LMCD1: variants seen among roughly 807,000 people sequenced by gnomAD.
The protein encoded by LMCD1 is LIM and cysteine rich domains 1.
Under a neutral mutation model 42.7 loss-of-function variants are expected in LMCD1, and 32 were observed. The ratio of observed to expected loss-of-function variants is 0.75; its 90% CI spans 0.57 to 1.01. The LOEUF (loss-of-function observed/expected upper bound fraction) is 1.01. LMCD1 is among the 50% of genes least tolerant of loss of function. The pLI is 0.00. For synonymous variants in LMCD1, 178 were observed against 184.9 expected, an observed-to-expected ratio of 0.96 and a Z score of 0.30; for missense variants, 458 against 483.1, an observed-to-expected ratio of 0.95 and a Z score of 0.49.
At chr3:8,556,472 C>T (rs1694935088) in intron 4 of LMCD1, among the ~76,000 whole-genome samples, 1 of 151,254 alleles carries the variant, frequency 6.6e-6, no homozygotes, top group South Asian at 2.1e-4. Context: ...GGATTACAGA[C>T]AAAAACAAAA....
chr3:8,510,899 T>C (rs772114605), intron 1 of LMCD1, among the ~76,000 whole-genome samples: 13 of 152,204 alleles, frequency 8.5e-5, no homozygotes, highest in Non-Finnish European at 1.9e-4. Context: ...AAAGACTCTT[T>C]CCACATCAAG....
chr3:8,544,122 G>A (rs1184883609), intron 3 of LMCD1, among the ~76,000 whole-genome samples: 2 of 151,848 alleles, frequency 1.3e-5, no homozygotes, highest in Non-Finnish European at 2.9e-5. Flanking sequence ...TGTAACCTCG[G>A]GTTAGTGATA....
intron 1 of LMCD1, among the ~76,000 whole-genome samples, chr3:8,521,065 G>A (rs943266390): frequency 5.3e-5 from 8 of 152,134 alleles, no homozygotes; most frequent in Admixed American, 3.3e-4. Context: ...GGTGTCAAAG[G>A]AAAATATTAG....
At chr3:8,541,230 G>T (rs1694620359) in intron 3 of LMCD1, among the ~76,000 whole-genome samples, 1 of 152,132 alleles carries the variant, frequency 6.6e-6, no homozygotes, top group South Asian at 2.1e-4. Context: ...TCCCGACCAG[G>T]TTGCAGAGCA....
rs748657580 is a variant in LMCD1, at chr3:8,548,669, C to T, written c.489C>T (p.Ile163=). The change falls in exon 4 of 6, where the codon ATC becomes ATT. Residue 163 remains isoleucine (I), a synonymous_variant. Transcript: ENST00000157600. ...RRRQLMHQLP[I]YDQDPSRCRG... ...GCCAGCTCATGCACCAGCTCCCCAT[C>T]TATGACCAGGATCCCTCGCGCTGCC... 1 of 1,614,220 alleles carries T rather than the reference C, an allele frequency of 6.2e-7. No homozygotes were observed. Among genetic ancestry groups the T allele is most frequent in the South Asian group, 1.1e-5 (1 of 91,086 alleles).
chr3:8,528,986 A>G (rs974346084), intron 1 of LMCD1, among the ~76,000 whole-genome samples: 2 of 152,182 alleles, frequency 1.3e-5, no homozygotes, highest in Non-Finnish European at 2.9e-5. Flanking sequence ...TGTTCTCGGG[A>G]GAAAGGACAG....
chr3:8,563,920 T>C (rs985098947), intron 4 of LMCD1, among the ~76,000 whole-genome samples: 5 of 152,184 alleles, frequency 3.3e-5, no homozygotes, highest in Non-Finnish European at 1.5e-5. Flanking sequence ...AAATCCCAAC[T>C]GAGGGACATT....
intron 1 of LMCD1, among the ~76,000 whole-genome samples, chr3:8,529,889 A>G (rs1316939718): frequency 6.6e-6 from 1 of 152,234 alleles, no homozygotes; most frequent in African/African-American, 2.4e-5. Flanking sequence ...GTGTGTGCCA[A>G]GCCCTTTTCA....
chr3:8,552,068 G>A (rs1385917860), intron 4 of LMCD1, among the ~76,000 whole-genome samples: 1 of 152,202 alleles, frequency 6.6e-6, no homozygotes, highest in African/African-American at 2.4e-5. Flanking sequence ...GAACTGTATC[G>A]GTAACACCTG....
At chr3:8,533,403 C>T (rs754418803) in intron 2 of LMCD1, among the ~76,000 whole-genome samples, 47 of 152,024 alleles carry the variant, frequency 3.1e-4, no homozygotes, top group Admixed American at 8.5e-4. Flanking sequence ...CACAATGCAG[C>T]GTCCCTGGGC....
intron 1 of LMCD1, among the ~76,000 whole-genome samples, chr3:8,530,378 C>T (rs750885031): frequency 5.9e-5 from 9 of 152,218 alleles, no homozygotes; most frequent in Admixed American, 3.3e-4. Flanking sequence ...GCCAGACCCC[C>T]GCATCACCGG....
chr3:8,558,570 T>C (rs1341215691), intron 4 of LMCD1, among the ~76,000 whole-genome samples: 2 of 152,236 alleles, frequency 1.3e-5, no homozygotes, highest in Non-Finnish European at 2.9e-5. Flanking sequence ...ATCTTAGATA[T>C]TTGGGAACAT....
intron 1 of LMCD1, among the ~76,000 whole-genome samples, chr3:8,531,772 G>A (rs1377071662): frequency 6.6e-6 from 1 of 152,142 alleles, no homozygotes; most frequent in Non-Finnish European, 1.5e-5. Flanking sequence ...CTGGTACATA[G>A]TAGATGCTAA....
chr3:8,508,148 A>G (rs1297641511), intron 1 of LMCD1, among the ~76,000 whole-genome samples: 3 of 152,242 alleles, frequency 2.0e-5, no homozygotes, highest in African/African-American at 7.2e-5. Flanking sequence ...CTTTTAAAGA[A>G]TAATACATGT....
At chr3:8,558,103 C>G (rs1276480741) in intron 4 of LMCD1, among the ~76,000 whole-genome samples, 9 of 152,152 alleles carry the variant, frequency 5.9e-5, no homozygotes, top group Admixed American at 5.2e-4. Flanking sequence ...TTATTACTAC[C>G]CTGGGAGCTG....
chr3:8,557,927 A>G (rs1472877514), intron 4 of LMCD1, among the ~76,000 whole-genome samples: 1 of 152,104 alleles, frequency 6.6e-6, no homozygotes, highest in African/African-American at 2.4e-5. Context: ...AGAGGCTGGG[A>G]AGACACACAC....
At chr3:8,536,824 G>C (rs1694514714) in intron 2 of LMCD1, among the ~76,000 whole-genome samples, 1 of 152,150 alleles carries the variant, frequency 6.6e-6, no homozygotes, top group African/African-American at 2.4e-5. Flanking sequence ...ATTTACAAGA[G>C]CAGATTGTGG....
rs355131 is a variant in LMCD1 at position 8,570,596 on chromosome 3, G to A, written c.*2998G>A. On this transcript the variant is annotated 3_prime_UTR_variant, in exon 6 of 6. Coordinates refer to ENST00000157600, the MANE Select transcript of LMCD1 (RefSeq NM_014583.4). ...AGTCCAGTCCTTTCTCTCCATCCTC[G>A]CTTTCACTCCATCCCCAAAGTCATA... 6.6e-6 allele frequency: 1 copy of A among 151,996 alleles called. No individual in the cohort carries two copies. The highest frequency in any genetic ancestry group is 1.5e-5 in the Non-Finnish European group (1 of 68,018). The allele number at this position is 151,996 out of a possible 1,614,324, so 9.4% of individuals were successfully genotyped here. A position where few individuals can be genotyped will look rare whatever the true frequency, so the allele number is the denominator to read the frequency against.
intron 4 of LMCD1, among the ~76,000 whole-genome samples, chr3:8,562,204 T>C (rs1342293356): frequency 6.6e-6 from 1 of 152,110 alleles, no homozygotes; most frequent in African/African-American, 2.4e-5. Flanking sequence ...GTGAAAATGT[T>C]ACTGGCAGTA....
Sources: allele counts gnomAD v4.1 joint callset (sites outside exome capture counted in the v4.1 genomes callset), GRCh38; gene constraint gnomAD v4.1.1; transcripts MANE v1.5; gene names NCBI Gene and HGNC (gene_info 2026-07-23, HGNC 2026-07-21).